Variants in OLFM3 observed in about 807,000 individuals in gnomAD.
OLFM3 encodes the protein olfactomedin 3.
In OLFM3, 20 loss-of-function variants were observed where a neutral mutation model predicts 48.6. The ratio of observed to expected loss-of-function variants is 0.41; its 90% CI spans 0.29 to 0.60. The LOEUF is 0.60. Among genes scored for constraint, OLFM3 ranks in the 20% least tolerant of loss-of-function variants. The pLI is 0.28. For synonymous variants in OLFM3, 222 were observed against 198.1 expected (o/e 1.12, Z -1.01); for missense variants, 437 against 544.3 (o/e 0.80, Z 1.96).
intron 1 of OLFM3, among the ~76,000 whole-genome samples, chr1:101,867,859 G>A (rs1339487479): frequency 6.6e-6 from 1 of 152,124 alleles, no homozygotes; most frequent in East Asian, 1.9e-4. Flanking sequence ...TGTCGTGGGA[G>A]GGACCTGGTG....
At chr1:101,920,589 GT>G (rs1373310330) in intron 1 of OLFM3, among the ~76,000 whole-genome samples, 1 of 152,184 alleles carries the variant, frequency 6.6e-6, no homozygotes, top group Non-Finnish European at 1.5e-5. Context: ...TCCTGTTTGT[GT>G]TTAGTACCTG....
At chr1:101,844,673 T>A (rs1244563368) in intron 1 of OLFM3, among the ~76,000 whole-genome samples, 1 of 152,194 alleles carries the variant, frequency 6.6e-6, no homozygotes, top group African/African-American at 2.4e-5. Context: ...AGCAGTTGAT[T>A]GTGTGGGGAG....
At chr1:101,902,625 G>A (rs979380917) in intron 1 of OLFM3, among the ~76,000 whole-genome samples, 1 of 152,098 alleles carries the variant, frequency 6.6e-6, no homozygotes, top group Non-Finnish European at 1.5e-5. Flanking sequence ...AAAAGAAGTG[G>A]AAGTTCTGTA....
chr1:101,827,437 A>C (rs1654915282), intron 3 of OLFM3, among the ~76,000 whole-genome samples: 1 of 151,940 alleles, frequency 6.6e-6, no homozygotes, highest in Admixed American at 6.6e-5. Flanking sequence ...CTCCTGCCTC[A>C]GCCTCTCGAG....
intron 1 of OLFM3, among the ~76,000 whole-genome samples, chr1:101,970,150 G>A (rs1232540286): frequency 2.0e-5 from 3 of 151,926 alleles, no homozygotes; most frequent in Non-Finnish European, 2.9e-5. Context: ...CTAGTAACTG[G>A]GACTACAGGT....
chr1:101,862,497 T>G (rs544415539), intron 1 of OLFM3, among the ~76,000 whole-genome samples: 1 of 152,176 alleles, frequency 6.6e-6, no homozygotes, highest in East Asian at 1.9e-4. Context: ...TATACCATAA[T>G]AAGACAGGAT....
At chr1:101,987,815 G>A (rs1002756613) in intron 1 of OLFM3, among the ~76,000 whole-genome samples, 4 of 151,840 alleles carry the variant, frequency 2.6e-5, no homozygotes, top group Admixed American at 2.6e-4. Flanking sequence ...CCTCCCTTTG[G>A]GGTTATATAG....
intron 1 of OLFM3, among the ~76,000 whole-genome samples, chr1:101,925,080 G>A (rs924183990): frequency 6.6e-6 from 1 of 152,086 alleles, no homozygotes; most frequent in South Asian, 2.1e-4. Context: ...TCATGAATAA[G>A]GAGGAGGAAG....
intron 1 of OLFM3, among the ~76,000 whole-genome samples, chr1:101,842,698 T>C (rs1655786555): frequency 6.6e-6 from 1 of 152,160 alleles, no homozygotes; most frequent in African/African-American, 2.4e-5. Context: ...TGTGTTTCCA[T>C]TAGACCTCTG....
chr1:101,854,257 T>C (rs990159641), intron 1 of OLFM3, among the ~76,000 whole-genome samples: 5 of 152,024 alleles, frequency 3.3e-5, no homozygotes, highest in African/African-American at 1.2e-4. Flanking sequence ...TAGGGACCAT[T>C]TGTAGGTCCT....
intron 1 of OLFM3, among the ~76,000 whole-genome samples, chr1:101,841,688 G>A (rs1384799778): frequency 6.6e-6 from 1 of 152,100 alleles, no homozygotes; most frequent in Admixed American, 6.5e-5. Flanking sequence ...CTAGATGGAG[G>A]GACAGGCAAA....
At chr1:101,884,512 A>C (rs549531991) in intron 1 of OLFM3, among the ~76,000 whole-genome samples, 1 of 152,068 alleles carries the variant, frequency 6.6e-6, no homozygotes, top group African/African-American at 2.4e-5. Flanking sequence ...ACAAAAAAAA[A>C]CAGACAAAAA....
Position 101,933,711 on chromosome 1 carries a change from A to G in OLFM3, c.69+63037T>C, listed in dbSNP as rs533905975. ...AAGAAAAAATGTTAAAGGCAGCTAG[A>G]TAGAAGGGGCAGGTCACCTACAAAG... is the stretch of plus-strand genomic sequence containing the variant. On this transcript the variant is annotated intron_variant, in intron 1 of 5. Transcript: ENST00000370103. 8.5e-5 allele frequency among the ~76,000 whole-genome samples: 13 copies of G among 152,316 alleles called. No homozygotes were observed. In the South Asian group the frequency reaches 2.5e-3, roughly 29 times the overall value.
intron 1 of OLFM3, among the ~76,000 whole-genome samples, chr1:101,961,885 T>C (rs1380702481): frequency 3.3e-5 from 5 of 152,080 alleles, no homozygotes; most frequent in South Asian, 4.2e-4. Flanking sequence ...GTACAGAGAG[T>C]TCTGAGAAGA....
At chr1:101,833,454 T>A (rs1387314216) in intron 2 of OLFM3, among the ~76,000 whole-genome samples, 1 of 152,194 alleles carries the variant, frequency 6.6e-6, no homozygotes, top group East Asian at 1.9e-4. Flanking sequence ...GGAGACTGAA[T>A]ACCCATGACG....
intron 1 of OLFM3, among the ~76,000 whole-genome samples, chr1:101,948,264 C>A (rs1329104405): frequency 5.3e-5 from 8 of 151,990 alleles, no homozygotes; most frequent in Admixed American, 2.6e-4. Flanking sequence ...ATCCTGTCAG[C>A]CTTTTTTTTA....
intron 3 of OLFM3, among the ~76,000 whole-genome samples, chr1:101,825,447 A>G (rs948664596): frequency 2.0e-5 from 3 of 152,202 alleles, no homozygotes; most frequent in Non-Finnish European, 4.4e-5. Flanking sequence ...GCTTTTCCAT[A>G]TGAGAATCTT....
intron 1 of OLFM3, among the ~76,000 whole-genome samples, chr1:101,873,419 C>A (rs1175911560): frequency 1.3e-5 from 2 of 151,706 alleles, no homozygotes; most frequent in Non-Finnish European, 2.9e-5. Flanking sequence ...TAATAAAATG[C>A]AAGCTTTTAT....
chr1:101,832,091 C>A (rs1272932220), intron 2 of OLFM3, among the ~76,000 whole-genome samples: 5 of 152,064 alleles, frequency 3.3e-5, no homozygotes, highest in Non-Finnish European at 7.4e-5. Flanking sequence ...TTATTAGAGT[C>A]GGAGTTTCAT....
Sources: allele counts gnomAD v4.1 joint callset (sites outside exome capture counted in the v4.1 genomes callset), GRCh38; gene constraint gnomAD v4.1.1; transcripts MANE v1.5; gene names NCBI Gene and HGNC (gene_info 2026-07-23, HGNC 2026-07-21).